Variants in ADAMTS6 observed in about 807,000 individuals in gnomAD.
The protein encoded by ADAMTS6 is A disintegrin and metalloproteinase with thrombospondin motifs 6.
In ADAMTS6, 23 loss-of-function variants were observed where a neutral mutation model predicts 144.3. The ratio of observed to expected loss-of-function variants is 0.16; its 90% confidence interval spans 0.11 to 0.23. The LOEUF (loss-of-function observed/expected upper bound fraction) is 0.23, where lower values mean the gene tolerates loss of function less well. Ranked by LOEUF, ADAMTS6 falls within the 10% of genes least tolerant of loss-of-function variation. ADAMTS6 has a pLI of 1.00. For missense variants in ADAMTS6, 999 were observed against 1,379.6 expected (o/e 0.72, Z 4.37); for synonymous variants, 444 against 457.5 (o/e 0.97, Z 0.38).
intron 11 of ADAMTS6, among the ~76,000 whole-genome samples, chr5:65,282,962 A>T (rs1171920837): frequency 6.6e-6 from 1 of 152,156 alleles, no homozygotes. Context: ...TTAAAGACTA[A>T]AAAAGAGACA....
intron 7 of ADAMTS6, among the ~76,000 whole-genome samples, chr5:65,392,386 G>A (rs1375312069): frequency 6.6e-6 from 1 of 152,104 alleles, no homozygotes; most frequent in Non-Finnish European, 1.5e-5. Context: ...TTATCATGGT[G>A]ATTTTTCAAC....
intron 14 of ADAMTS6, among the ~76,000 whole-genome samples, chr5:65,253,140 C>T (rs943899578): frequency 2.6e-5 from 4 of 152,000 alleles, no homozygotes; most frequent in Admixed American, 6.6e-5. Context: ...CACCCGCCTC[C>T]GCCTCCCAAA....
chr5:65,275,414 A>G (rs192606143), intron 11 of ADAMTS6, among the ~76,000 whole-genome samples: 1 of 145,394 alleles, frequency 6.9e-6, no homozygotes, highest in East Asian at 2.0e-4. Context: ...AAAGAAAGAA[A>G]GAAAAGAAAG....
chr5:65,329,024 T>C (rs925104632), intron 9 of ADAMTS6, among the ~76,000 whole-genome samples: 1 of 152,032 alleles, frequency 6.6e-6, no homozygotes, highest in African/African-American at 2.4e-5. Context: ...AAAAATACAT[T>C]TTATGGTAGT....
At chr5:65,448,257 G>A (rs1277943847) in intron 7 of ADAMTS6, among the ~76,000 whole-genome samples, 1 of 151,648 alleles carries the variant, frequency 6.6e-6, no homozygotes, top group East Asian at 1.9e-4. Context: ...ATAGCTTTGC[G>A]GATCACAGTT....
chr5:65,447,296 A>C (rs1758344694), intron 7 of ADAMTS6, among the ~76,000 whole-genome samples: 1 of 152,128 alleles, frequency 6.6e-6, no homozygotes, highest in South Asian at 2.1e-4. Flanking sequence ...TAAATTAAAT[A>C]ATCTGTCAAC....
intron 22 of ADAMTS6, among the ~76,000 whole-genome samples, chr5:65,173,818 A>G (rs1753771382): frequency 6.6e-6 from 1 of 151,980 alleles, no homozygotes; most frequent in African/African-American, 2.4e-5. Flanking sequence ...AGGTCAAGAG[A>G]TCAAGACCAT....
In ADAMTS6 at chr5:65,329,365, T is replaced by G; in HGVS notation, c.1223+13A>C. The G allele has an allele frequency of 4.3e-6, 7 of 1,609,474 alleles. No individual in the cohort carries two copies. The highest frequency in any genetic ancestry group is 5.9e-6 in the Non-Finnish European group (7 of 1,177,678). On this transcript the variant is annotated intron_variant, in intron 9 of 24. Coordinates refer to ENST00000381055, the MANE Select transcript of ADAMTS6 (RefSeq NM_197941.4). ...GTTCTAAAATTTATTTTGATTTTCTTAAACTCACTCACTTGTGACCAATCT... is the reference window on the plus strand; with the variant it reads ...GTTCTAAAATTTATTTTGATTTTCTGAAACTCACTCACTTGTGACCAATCT...
intron 11 of ADAMTS6, among the ~76,000 whole-genome samples, chr5:65,284,807 C>T (rs12523047): frequency 0.58 from 87,752 of 151,896 alleles, 26,377 homozygotes; most frequent in African/African-American, 0.76. Flanking sequence ...TCATATTCTC[C>T]TTTTATAAGT....
chr5:65,177,343 C>A (rs894123720), intron 22 of ADAMTS6, among the ~76,000 whole-genome samples: 3 of 152,178 alleles, frequency 2.0e-5, no homozygotes, highest in Non-Finnish European at 4.4e-5. Context: ...ATTAACATAA[C>A]CAAGTCAATT....
chr5:65,174,308 G>A (rs1455241324), intron 22 of ADAMTS6, among the ~76,000 whole-genome samples: 4 of 152,166 alleles, frequency 2.6e-5, no homozygotes, highest in East Asian at 3.9e-4. Flanking sequence ...TTCCCTGACC[G>A]GGAAGCGAGG....
intron 20 of ADAMTS6, among the ~76,000 whole-genome samples, chr5:65,199,961 T>TA (rs1158778419): frequency 1.3e-5 from 2 of 152,174 alleles, no homozygotes; most frequent in African/African-American, 4.8e-5. Context: ...AAGTAAAAAT[T>TA]AAAGTCCTTG....
intron 1 of ADAMTS6, among the ~76,000 whole-genome samples, chr5:65,479,049 A>G (rs1344441641): frequency 2.6e-5 from 4 of 152,148 alleles, no homozygotes; most frequent in Non-Finnish European, 5.9e-5. Flanking sequence ...CTTGTGAACT[A>G]TTATTATGAA....
chr5:65,261,970 A>G (rs1270912686), intron 13 of ADAMTS6, among the ~76,000 whole-genome samples: 1 of 152,098 alleles, frequency 6.6e-6, no homozygotes, highest in Non-Finnish European at 1.5e-5. Flanking sequence ...AAAAGCCGTT[A>G]TCATAACATC....
intron 7 of ADAMTS6, among the ~76,000 whole-genome samples, chr5:65,436,604 G>A (rs549386683): frequency 2.6e-4 from 40 of 152,148 alleles, no homozygotes; most frequent in Non-Finnish European, 4.7e-4. Flanking sequence ...GGGAGGCCGA[G>A]GTGGGTGGAT....
At chr5:65,419,070 C>A (rs1054042870) in intron 7 of ADAMTS6, among the ~76,000 whole-genome samples, 2 of 152,070 alleles carry the variant, frequency 1.3e-5, no homozygotes, top group African/African-American at 4.8e-5. Flanking sequence ...AGAAAACAAA[C>A]CTTTCTACCA....
chr5:65,357,253 T>A (rs1420517071), intron 7 of ADAMTS6, among the ~76,000 whole-genome samples: 2 of 151,674 alleles, frequency 1.3e-5, no homozygotes, highest in Non-Finnish European at 3.0e-5. Context: ...TCAAAAAATA[T>A]CTTGAGACAA....
intron 15 of ADAMTS6, among the ~76,000 whole-genome samples, chr5:65,234,960 G>A (rs1267217369): frequency 6.6e-6 from 1 of 152,016 alleles, no homozygotes; most frequent in Admixed American, 6.6e-5. Flanking sequence ...GAAATCCTGG[G>A]GCACATAATG....
chr5:65,269,879 C>T (rs966839518), intron 12 of ADAMTS6, among the ~76,000 whole-genome samples: 3 of 151,400 alleles, frequency 2.0e-5, no homozygotes, highest in Non-Finnish European at 2.9e-5. Context: ...CTGCAACCTC[C>T]GCCTCCTGGG....
Sources: gnomAD v4.1 joint callset for allele counts (sites outside exome capture counted in the v4.1 genomes callset) on GRCh38, gnomAD v4.1.1 for gene constraint, MANE v1.5 for transcripts, NCBI Gene and HGNC (gene_info 2026-07-23, HGNC 2026-07-21) for gene names.